Variants in GATAD2A observed in about 807,000 individuals in gnomAD.
GATAD2A encodes transcriptional repressor p66-alpha.
Under a neutral mutation model 68.5 loss-of-function variants are expected in GATAD2A, and 12 were observed. That is an observed-to-expected ratio of 0.18 (90% CI 0.11 to 0.28). The LOEUF is 0.28. Ranked by LOEUF, GATAD2A falls within the 10% of genes least tolerant of loss-of-function variation. The probability of loss-of-function intolerance (pLI) is 1.00; values close to 1 mark genes in which losing one functional copy is unlikely to be tolerated. For missense variants in GATAD2A, 755 were observed against 868.5 expected (o/e 0.87, Z 1.64); for synonymous variants, 410 against 375.3 (o/e 1.09, Z -1.07).
rs116836132 is a variant in GATAD2A, at chr19:19,414,067, G to C, written c.-7+8048G>C. Among the ~76,000 whole-genome samples, 948 of 152,212 alleles carry C rather than the reference G, an allele frequency of 6.2e-3. 11 individuals are homozygous for C. The highest frequency in any genetic ancestry group is 0.021 in the African/African-American group (871 of 41,514). On this transcript the variant is annotated intron_variant, in intron 1 of 11. Transcript: ENST00000683918. The stretch of plus-strand genomic sequence containing the variant: ...TTTCCTGATGCCGAAGTCTGGGGAG[G>C]GGGTGGGAGCCTCAGATGTTGGTGG...
chr19:19,489,389 A>T (rs1217393364), intron 2 of GATAD2A, among the ~76,000 whole-genome samples: 1 of 152,216 alleles, frequency 6.6e-6, no homozygotes, highest in African/African-American at 2.4e-5. Context: ...CATGGTTTTC[A>T]CGTTGGAAGG....
chr19:19,495,411 C>T (rs2060075697), intron 5 of GATAD2A, among the ~76,000 whole-genome samples: 1 of 152,104 alleles, frequency 6.6e-6, no homozygotes, highest in Non-Finnish European at 1.5e-5. Context: ...CAGGTTCAAG[C>T]AATTCTCCTG....
chr19:19,414,970 T>C (rs1028786521), intron 1 of GATAD2A, among the ~76,000 whole-genome samples: 24 of 148,926 alleles, frequency 1.6e-4, no homozygotes, highest in African/African-American at 7.5e-5. Flanking sequence ...AAAAAAACTA[T>C]AGTGGCCAAG....
intron 7 of GATAD2A, 67 bp from the exon 8 acceptor site, chr19:19,498,376 G>A (rs565402598): frequency 1.3e-6 from 2 of 1,481,716 alleles, no homozygotes; most frequent in Non-Finnish European, 1.8e-6. Context: ...TCGGGCTTCG[G>A]GGCGCTGGGG....
chr19:19,451,150 GGATCATGA>G (rs924303213), intron 1 of GATAD2A, among the ~76,000 whole-genome samples: 9 of 151,832 alleles, frequency 5.9e-5, no homozygotes, highest in African/African-American at 2.2e-4. Context: ...TGAGGCAGCC[GGATCATGA>G]GATCAGGAGA....
chr19:19,469,997 G>A (rs1018226113), intron 2 of GATAD2A, among the ~76,000 whole-genome samples: 1 of 151,574 alleles, frequency 6.6e-6, no homozygotes, highest in East Asian at 1.9e-4. Flanking sequence ...TTGTTTATAA[G>A]TGACGCCCCT....
In GATAD2A at chr19:19,505,944, C is replaced by A. The variant is rs910513547; in HGVS notation, c.*470C>A. ...GTCTTAGGCTCCCAGTCTTTGACTGCCTTCCCATGGCGATCTATAAGTTGA... is the reference window on the plus strand; with the variant it reads ...GTCTTAGGCTCCCAGTCTTTGACTGACTTCCCATGGCGATCTATAAGTTGA... On this transcript the variant is annotated 3_prime_UTR_variant, in exon 12 of 12. Transcript: ENST00000683918. 78 of 398,978 alleles carry A rather than the reference C, an allele frequency of 2.0e-4. No homozygotes were observed. In the Middle Eastern group the frequency reaches 2.5e-3, roughly 13 times the overall value. 24.7% of individuals were successfully genotyped at this position (398,978 alleles called of 1,614,324 possible).
intron 7 of GATAD2A, 69 bp from the exon 8 acceptor site, chr19:19,498,374 C>A: frequency 6.8e-7 from 1 of 1,467,138 alleles, no homozygotes; most frequent in Non-Finnish European, 9.3e-7. Flanking sequence ...CCTCGGGCTT[C>A]GGGGCGCTGG....
intron 1 of GATAD2A, among the ~76,000 whole-genome samples, chr19:19,416,756 T>G (rs1352241214): frequency 6.6e-6 from 1 of 152,152 alleles, no homozygotes; most frequent in Admixed American, 6.5e-5. Flanking sequence ...GGTTGTTTTT[T>G]TTTTTAAACT....
chr19:19,486,635 G>A lies in GATAD2A; in HGVS notation c.270-5671G>A, dbSNP rs183305631. Among the ~76,000 whole-genome samples the A allele has an allele frequency of 7.2e-5, 11 of 152,306 alleles. 1 individual carries two copies. Among genetic ancestry groups the A allele is most frequent in the African/African-American group, 2.2e-4 (9 of 41,562 alleles). ...CCTGGTGCAGGGGACGCAGGCTGTC[G>A]GGGCAAACCTCTCTCTCCATTCTAG... On this transcript the variant is annotated intron_variant, in intron 2 of 11. Coordinates refer to ENST00000683918, the MANE Select transcript of GATAD2A (RefSeq NM_001384528.1).
Position 19,501,427 on chromosome 19 carries a change from C to T in GATAD2A, c.1503+11C>T, listed in dbSNP as rs1555721563. Reference sequence around the variant, plus strand: ...CCCGTGCTGAAGCAGGTGAGCCTGGCCTGCTGCCGGCAGTGCCGTCCCTAG... The same window carrying T: ...CCCGTGCTGAAGCAGGTGAGCCTGGTCTGCTGCCGGCAGTGCCGTCCCTAG... On this transcript the variant is annotated intron_variant, in intron 9 of 11. Coordinates refer to ENST00000683918, the MANE Select transcript of GATAD2A (RefSeq NM_001384528.1). The T allele has an allele frequency of 7.0e-6, 11 of 1,572,110 alleles. No homozygotes were observed. Among genetic ancestry groups the T allele is most frequent in the South Asian group, 3.4e-5 (3 of 87,446 alleles).
chr19:19,411,305 G>T (rs1253421469), intron 1 of GATAD2A, among the ~76,000 whole-genome samples: 1 of 152,230 alleles, frequency 6.6e-6, no homozygotes, highest in African/African-American at 2.4e-5. Flanking sequence ...GAATGCCTGG[G>T]TTGGTTGTGC....
upstream of GATAD2A, among the ~76,000 whole-genome samples, chr19:19,405,370 G>A (rs528655631): frequency 2.0e-5 from 3 of 152,348 alleles, no homozygotes; most frequent in Non-Finnish European, 4.4e-5. Context: ...CTGGCGCGAG[G>A]TCAGCAGTGA....
chr19:19,387,562 A>G (rs975117938), intron 1 of GATAD2A, among the ~76,000 whole-genome samples: 1 of 150,544 alleles, frequency 6.6e-6, no homozygotes, highest in African/African-American at 2.4e-5. Flanking sequence ...CAGGTGATCC[A>G]CCCGCCTCGG....
At chr19:19,411,280 C>T (rs984714251) in intron 1 of GATAD2A, among the ~76,000 whole-genome samples, 4 of 152,220 alleles carry the variant, frequency 2.6e-5, no homozygotes, top group African/African-American at 9.6e-5. Flanking sequence ...GCCTTGGGGC[C>T]TTCTTGACGA....
chr19:19,432,864 C>CT (rs1250804526), intron 1 of GATAD2A, among the ~76,000 whole-genome samples: 12 of 152,110 alleles, frequency 7.9e-5, no homozygotes, highest in East Asian at 1.9e-4. Flanking sequence ...TCTGAGTGAA[C>CT]TTTGAGTCCA....
intron 1 of GATAD2A, among the ~76,000 whole-genome samples, chr19:19,464,355 C>T (rs549525551): frequency 9.8e-5 from 15 of 152,352 alleles, no homozygotes; most frequent in Admixed American, 9.8e-4. Context: ...ACCTGACTCT[C>T]TCTGTCTCAA....
At chr19:19,491,716 C>A (rs1340327850) in intron 2 of GATAD2A, among the ~76,000 whole-genome samples, 1 of 152,240 alleles carries the variant, frequency 6.6e-6, no homozygotes. Context: ...AGCAAGCTGG[C>A]AGCCTGTGGA....
At chr19:19,501,016 A>C in intron 8 of GATAD2A, 102 bp from the exon 9 acceptor site, 1 of 1,032,982 alleles carries the variant, frequency 9.7e-7, no homozygotes, top group East Asian at 2.4e-5. Context: ...CAGAACGGAC[A>C]GACTGTGGCG....
Sources: allele counts gnomAD v4.1 joint callset (sites outside exome capture counted in the v4.1 genomes callset), GRCh38; gene constraint gnomAD v4.1.1; transcripts MANE v1.5; gene names NCBI Gene and HGNC (gene_info 2026-07-23, HGNC 2026-07-21).